Variants in TMEM156 observed in about 807,000 individuals in gnomAD.
TMEM156 encodes transmembrane protein 156.
Under a neutral mutation model 30.5 loss-of-function variants are expected in TMEM156, and 28 were observed. The observed-to-expected ratio is 0.92, with a 90% CI of 0.68 to 1.26. The LOEUF (loss-of-function observed/expected upper bound fraction) is 1.26. Ranked by LOEUF, TMEM156 falls within the 50% of genes most tolerant of loss-of-function variation. The pLI is 0.00. For missense variants in TMEM156, 351 were observed against 340.6 expected (o/e 1.03, Z -0.24); for synonymous variants, 137 against 119.9 (o/e 1.14, Z -0.93).
At position 38,988,977 on chromosome 4, in the gene TMEM156, A is replaced by G. The variant is rs978467789; in HGVS notation, c.620-7T>C. ...TTCATGGAACAAGTGATATCTGTAA[A>G]GAAAACAAATACTGTAAAAACCCAG... On this transcript the variant is annotated splice_polypyrimidine_tract_variant and splice_region_variant and intron_variant, in intron 3 of 6. Coordinates refer to ENST00000381938, the MANE Select transcript of TMEM156 (RefSeq NM_024943.3). 3 of 1,608,008 alleles carry G rather than the reference A, an allele frequency of 1.9e-6. No individual in the cohort carries two copies. The African/African-American group carries it at 4.0e-5, about 22-fold the overall frequency.
At chr4:38,990,835 T>TGTTTTTTGTTTTGTTTTG (rs1712384479) in intron 3 of TMEM156, among the ~76,000 whole-genome samples, 1 of 126,242 alleles carries the variant, frequency 7.9e-6, no homozygotes, top group Non-Finnish European at 1.7e-5. Flanking sequence ...TTCTGGTTTT[T>TGTTTTTTGTTTTGTTTTG]TTTTTTTTTT....
chr4:38,991,214 TTTC>T (rs1186792525), intron 3 of TMEM156, among the ~76,000 whole-genome samples: 6 of 148,336 alleles, frequency 4.0e-5, no homozygotes, highest in South Asian at 2.1e-4. Flanking sequence ...GTCTTTTTCT[TTTC>T]TTTTCTTTTC....
At chr4:38,986,852 G>A (rs1233904662) in intron 4 of TMEM156, among the ~76,000 whole-genome samples, 1,118 of 71,166 alleles carry the variant, frequency 0.016, 13 homozygotes, top group Non-Finnish European at 0.023. Flanking sequence ...AAAAAAAAAA[G>A]GAAAGCGACA....
intron 4 of TMEM156, among the ~76,000 whole-genome samples, chr4:38,987,139 A>G (rs1408107184): frequency 6.6e-6 from 1 of 152,190 alleles, no homozygotes; most frequent in East Asian, 1.9e-4. Context: ...ATAGCTTTTC[A>G]TATGGGAAAA....
At chr4:39,001,618 C>T (rs550113697) in intron 1 of TMEM156, among the ~76,000 whole-genome samples, 3 of 151,168 alleles carry the variant, frequency 2.0e-5, no homozygotes, top group Non-Finnish European at 2.9e-5. Flanking sequence ...CATCACACTA[C>T]CTGACTTCAA....
chr4:38,977,396 C>T (rs1411296940), intron 5 of TMEM156, among the ~76,000 whole-genome samples: 17 of 152,140 alleles, frequency 1.1e-4, no homozygotes, highest in Admixed American at 1.1e-3. Context: ...AAAATGATGG[C>T]TAGTCTAAAG....
Position 38,998,628 on chromosome 4 carries a change from C to T in TMEM156, c.358+12G>A, listed in dbSNP as rs1240387805. On this transcript the variant is annotated intron_variant, in intron 2 of 6. Coordinates refer to ENST00000381938, the MANE Select transcript of TMEM156 (RefSeq NM_024943.3). The stretch of plus-strand genomic sequence containing the variant: ...TGATACCATTTTATTCTCACCTTCA[C>T]TTTGTGTTTACCTTTTGATGTTTGT... 5.0e-6 allele frequency: 8 copies of T among 1,601,718 alleles called. No individual in the cohort carries two copies. The Middle Eastern group carries it at 5.0e-4, about 100-fold the overall frequency.
intron 3 of TMEM156, among the ~76,000 whole-genome samples, chr4:38,992,724 A>AAT (rs1457335887): frequency 3.7e-5 from 2 of 53,616 alleles, no homozygotes; most frequent in African/African-American, 6.8e-5. Context: ...ATATATATAT[A>AAT]ATATATATAT....
intron 5 of TMEM156, among the ~76,000 whole-genome samples, chr4:38,979,537 A>C (rs1351497764): frequency 1.3e-5 from 2 of 152,246 alleles, no homozygotes; most frequent in Non-Finnish European, 2.9e-5. Flanking sequence ...AAGCCCTCCC[A>C]GGGGGCATGC....
intron 1 of TMEM156, among the ~76,000 whole-genome samples, chr4:39,006,084 T>A (rs549718528): frequency 6.6e-6 from 1 of 152,240 alleles, no homozygotes; most frequent in East Asian, 1.9e-4. Context: ...TTAATAGAGA[T>A]GAAGTTTCAC....
chr4:38,975,555 A>G (rs6832635), intron 5 of TMEM156, among the ~76,000 whole-genome samples: 37,685 of 151,336 alleles, frequency 0.25, 4,778 homozygotes, highest in East Asian at 0.32. Flanking sequence ...GCTAATTTTT[A>G]TATTTTTAGT....
chr4:38,971,689 G>A (rs1177449434), intron 5 of TMEM156, among the ~76,000 whole-genome samples: 6 of 152,000 alleles, frequency 3.9e-5, no homozygotes, highest in Non-Finnish European at 7.4e-5. Context: ...TAAGATCCAC[G>A]GTCTTGTTTT....
intron 4 of TMEM156, among the ~76,000 whole-genome samples, chr4:38,988,487 C>T (rs1042811933): frequency 6.6e-6 from 1 of 152,214 alleles, no homozygotes; most frequent in Admixed American, 6.5e-5. Flanking sequence ...CTGCCTCAGC[C>T]TCCCAAGGTG....
intron 5 of TMEM156, among the ~76,000 whole-genome samples, chr4:38,974,245 C>T (rs1389847467): frequency 1.4e-5 from 2 of 147,374 alleles, no homozygotes; most frequent in Non-Finnish European, 3.0e-5. Flanking sequence ...TGCACTGTCA[C>T]CCAGGTTGGA....
At chr4:38,978,139 C>T (rs1722968799) in intron 5 of TMEM156, among the ~76,000 whole-genome samples, 1 of 152,178 alleles carries the variant, frequency 6.6e-6, no homozygotes, top group African/African-American at 2.4e-5. Context: ...ACTTCTTCAT[C>T]CTAGCCAGCC....
At chr4:38,969,993 A>T (rs754885669) in intron 6 of TMEM156, among the ~76,000 whole-genome samples, 2 of 152,188 alleles carry the variant, frequency 1.3e-5, no homozygotes, top group Non-Finnish European at 1.5e-5. Flanking sequence ...TGTTTTCTGT[A>T]GTGGCTATAC....
intron 3 of TMEM156, among the ~76,000 whole-genome samples, chr4:38,992,198 A>G (rs1577535175): frequency 1.3e-5 from 2 of 152,204 alleles, no homozygotes; most frequent in East Asian, 3.8e-4. Context: ...AGGACAGCAA[A>G]TTACTCTCCC....
At chr4:39,010,331 T>C (rs1318973589) in intron 1 of TMEM156, among the ~76,000 whole-genome samples, 1 of 152,132 alleles carries the variant, frequency 6.6e-6, no homozygotes, top group Non-Finnish European at 1.5e-5. Flanking sequence ...CCCAAAGCAA[T>C]CTACAGATTC....
Position 39,015,580 on chromosome 4 carries a change from G to C in TMEM156, c.88+16646C>G, listed in dbSNP as rs144922846. Among the ~76,000 whole-genome samples the C allele has an allele frequency of 2.0e-5, 3 of 152,218 alleles. No homozygotes were observed. In the East Asian group the frequency reaches 5.8e-4, roughly 29 times the overall value. On this transcript the variant is annotated intron_variant, in intron 1 of 6. Coordinates refer to ENST00000381938, the MANE Select transcript of TMEM156 (RefSeq NM_024943.3). ...TACTGATACCTTGATTTTAGCCCGG[G>C]GATACCTCTGTTGAATGTCTAACCT...
Sources: allele counts gnomAD v4.1 joint callset (sites outside exome capture counted in the v4.1 genomes callset), GRCh38; gene constraint gnomAD v4.1.1; transcripts MANE v1.5; gene names NCBI Gene and HGNC (gene_info 2026-07-23, HGNC 2026-07-21).